Variants in DGKQ observed in about 807,000 individuals in gnomAD.
DGKQ encodes DAG kinase theta.
DGKQ carries 97 observed loss-of-function variants against 104.2 expected under a neutral mutation model. The ratio of observed to expected loss-of-function variants is 0.93; its 90% CI spans 0.79 to 1.10. The LOEUF (loss-of-function observed/expected upper bound fraction) is 1.10. Among genes scored for constraint, DGKQ ranks in the 50% least tolerant of loss-of-function variants. The probability of loss-of-function intolerance (pLI) is 0.00; values close to 1 mark genes in which losing one functional copy is unlikely to be tolerated. For missense variants in DGKQ, 1,465 were observed against 1,352.1 expected, an observed-to-expected ratio of 1.08 and a Z score of -1.31; for synonymous variants, 736 against 595.2, an observed-to-expected ratio of 1.24 and a Z score of -3.44.
At chr4:964,676 A>G (rs1712156594) in intron 15 of DGKQ, among the ~76,000 whole-genome samples, 1 of 152,104 alleles carries the variant, frequency 6.6e-6, no homozygotes, top group Admixed American at 6.5e-5. Flanking sequence ...TGGCCTGGGG[A>G]GCTCCAGGCA....
At position 967,787 on chromosome 4, in the gene DGKQ, C is replaced by A. The variant is rs776101287; in HGVS notation, c.827G>T (p.Gly276Val). 8.1e-6 allele frequency: 13 copies of A among 1,603,730 alleles called. No homozygotes were observed. The Admixed American group carries it at 2.0e-4, about 25-fold the overall frequency. Residue 276 changes from glycine (G) to valine (V), a missense_variant, in exon 7 of 23, where the codon GGC becomes GTC. Physicochemically the swap from Gly to Val is moderately radical, Grantham distance 109. Coordinates refer to ENST00000273814, the MANE Select transcript of DGKQ (RefSeq NM_001347.4). Reference sequence around the variant, plus strand: ...ACCCACGGCAGCGCTCCCGTCGGCGCCGTCGCCCCCCTCGCCTGCGGGTCG... The same window carrying A: ...ACCCACGGCAGCGCTCCCGTCGGCGACGTCGCCCCCCTCGCCTGCGGGTCG... Reference protein sequence around the residue: ...EAAEPGEGGDGADGSAAVGPG... With the variant: ...EAAEPGEGGDVADGSAAVGPG...
chr4:963,317 TG>T (rs779944742), intron 15 of DGKQ, 27 bp from the exon 16 acceptor site: 1 of 1,582,010 alleles, frequency 6.3e-7, no homozygotes, highest in East Asian at 2.3e-5. Flanking sequence ...TGGGTTAGGA[TG>T]GGGACCCAAG....
Position 967,354 on chromosome 4 carries a change from G to C in DGKQ, c.995C>G (p.Ala332Gly). Residue 332 changes from alanine (A) to glycine (G), a missense_variant, in exon 9 of 23, where the codon GCA becomes GGA. Transcript: ENST00000273814. ...CTCGGGGATGTGGTGGGCCCGCAGT[G>C]CGGCCTCCTGCAGGGCACCAGGTTA... ...LAGAEEVLEA[A>G]LRAHHIPEDP... 6.5e-7 allele frequency: 1 copy of C among 1,534,006 alleles called. No homozygotes were observed. The highest frequency in any genetic ancestry group is 8.7e-7 in the Non-Finnish European group (1 of 1,145,470).
chr4:965,071 A>G, intron 15 of DGKQ, 105 bp downstream of exon 15: 1 of 839,828 alleles, frequency 1.2e-6, no homozygotes, highest in African/African-American at 1.7e-5. Flanking sequence ...GTGATGCCAG[A>G]TGAAAACAGC....
intron 2 of DGKQ, 52 bp from the exon 3 acceptor site, chr4:968,962 G>A (rs754074896): frequency 1.8e-5 from 21 of 1,190,026 alleles, no homozygotes; most frequent in African/African-American, 6.1e-5. Flanking sequence ...CAGGCTGCCC[G>A]CCACCCCTCC....
At chr4:973,068 GC>G (rs1308351074) in intron 1 of DGKQ, 143 bp downstream of exon 1, 5 of 1,253,080 alleles carry the variant, frequency 4.0e-6, no homozygotes, top group Non-Finnish European at 4.0e-6. Context: ...GGCCCCGGCC[GC>G]CCCACGAAGG....
chr4:966,394 C>A (rs1212115844), intron 12 of DGKQ, 72 bp downstream of exon 12: 8 of 1,536,254 alleles, frequency 5.2e-6, no homozygotes, highest in Non-Finnish European at 7.2e-6. Flanking sequence ...CTGGGGCACA[C>A]CCACCCTGTG....
chr4:964,345 G>A (rs1712125751), intron 15 of DGKQ, among the ~76,000 whole-genome samples: 1 of 152,348 alleles, frequency 6.6e-6, no homozygotes, highest in South Asian at 2.1e-4. Flanking sequence ...AAGGGTCAAG[G>A]TTCAGGGGTA....
chr4:961,910 T>C, intron 19 of DGKQ, 72 bp downstream of exon 19: 1 of 1,607,736 alleles, frequency 6.2e-7, no homozygotes. Context: ...TTCCGGCCCC[T>C]CTGCCTGTTC....
In DGKQ at chr4:960,367, C is replaced by A. The variant is rs1359578771; in HGVS notation, c.*253G>T. 6 of 565,512 alleles carry A rather than the reference C, an allele frequency of 1.1e-5. No homozygotes were observed. The highest frequency in any genetic ancestry group is 1.9e-5 in the Non-Finnish European group (6 of 313,982). The allele number at this position is 565,512 out of a possible 1,614,324, so 35.0% of individuals were successfully genotyped here. A position where few individuals can be genotyped will look rare whatever the true frequency, so the allele number is the denominator to read the frequency against. On this transcript the variant is annotated 3_prime_UTR_variant, in exon 23 of 23. Coordinates refer to ENST00000273814, the MANE Select transcript of DGKQ (RefSeq NM_001347.4). ...CTCACCATCCAGAGCCCTGCGCCCA[C>A]CCGGGACACGGGGTAACACTGCCAC...
chr4:969,811 C>G (rs1210053133), intron 2 of DGKQ, among the ~76,000 whole-genome samples: 1 of 152,140 alleles, frequency 6.6e-6, no homozygotes, highest in Non-Finnish European at 1.5e-5. Flanking sequence ...AGGGGTTTCA[C>G]TGTGTTAGCC....
intron 22 of DGKQ, 154 bp downstream of exon 22, chr4:960,895 T>C (rs892204855): frequency 4.1e-6 from 4 of 985,138 alleles, no homozygotes; most frequent in Non-Finnish European, 4.8e-6. Context: ...GCCTGGCCAC[T>C]GGCACAGCCC....
intron 1 of DGKQ, among the ~76,000 whole-genome samples, chr4:972,042 C>G (rs1047022486): frequency 6.6e-6 from 1 of 152,080 alleles, no homozygotes; most frequent in Non-Finnish European, 1.5e-5. Flanking sequence ...CCAGGTCCCT[C>G]CTCTGCCATG....
At chr4:964,870 C>G (rs1472597205) in intron 15 of DGKQ, among the ~76,000 whole-genome samples, 2 of 152,044 alleles carry the variant, frequency 1.3e-5, no homozygotes, top group Non-Finnish European at 2.9e-5. Context: ...GTGGAGGCCT[C>G]AGGTGCAGCG....
intron 15 of DGKQ, 61 bp from the exon 16 acceptor site, chr4:963,351 G>T: frequency 9.3e-6 from 14 of 1,502,472 alleles, no homozygotes; most frequent in Non-Finnish European, 1.3e-5. Flanking sequence ...CACTGCTGGG[G>T]TTGCCAGGCA....
At position 971,255 on chromosome 4, in the gene DGKQ, A is replaced by G. The variant is rs1287966024; in HGVS notation, c.272-183T>C. ...GAGAGAGCCTGCAGCCCAGGAGCCC[A>G]GGAGCAAGAACCTGGGTGGTCCTGA... On this transcript the variant is annotated intron_variant, in intron 1 of 22. Coordinates refer to ENST00000273814, the MANE Select transcript of DGKQ (RefSeq NM_001347.4). This position sits in a 1 kb window ranked among gnomAD's most constrained non-coding sequence, Gnocchi z 4.0. Among the ~76,000 whole-genome samples, 1 of 152,162 alleles carries G rather than the reference A, an allele frequency of 6.6e-6. No homozygotes were observed. Among genetic ancestry groups the G allele is most frequent in the Non-Finnish European group, 1.5e-5 (1 of 68,014 alleles).
intron 1 of DGKQ, 79 bp downstream of exon 1, chr4:973,133 G>A: frequency 2.2e-6 from 3 of 1,368,896 alleles, no homozygotes; most frequent in Non-Finnish European, 9.5e-7. Flanking sequence ...GAAAGCGCCG[G>A]TGCCACCTCC....
Position 967,652 on chromosome 4 carries a change from G to A in DGKQ, c.887-3C>T. 1.2e-6 allele frequency: 2 copies of A among 1,612,690 alleles called. No homozygotes were observed. The highest frequency in any genetic ancestry group is 1.7e-5 in the Admixed American group (1 of 60,014). Reference sequence around the variant, plus strand: ...AAAGATCTTCAGCGTTTGCTTCCCTGGGCCGGGTAAGCTCCGTGAGTCCCG... The same window carrying A: ...AAAGATCTTCAGCGTTTGCTTCCCTAGGCCGGGTAAGCTCCGTGAGTCCCG... On this transcript the variant is annotated splice_polypyrimidine_tract_variant and splice_region_variant and intron_variant, in intron 7 of 22. Transcript: ENST00000273814.
intron 12 of DGKQ, 81 bp from the exon 13 acceptor site, chr4:966,159 C>A (rs957769033): frequency 7.6e-5 from 106 of 1,392,370 alleles, no homozygotes; most frequent in Admixed American, 1.5e-4. Context: ...ACCCGCAAAA[C>A]AGCAAAACAG....
Sources: gnomAD v4.1 joint callset for allele counts (sites outside exome capture counted in the v4.1 genomes callset) on GRCh38, gnomAD v4.1.1 for gene constraint, Gnocchi (gnomAD v3.1) non-coding constraint, MANE v1.5 for transcripts, NCBI Gene and HGNC (gene_info 2026-07-23, HGNC 2026-07-21) for gene names.